OARD1: variants seen among roughly 807,000 people sequenced by gnomAD.
The protein encoded by OARD1 is ADP-ribose glycohydrolase OARD1.
A neutral mutation model predicts 19.7 loss-of-function variants in OARD1; 19 were observed. The ratio of observed to expected loss-of-function variants is 0.96; its 90% CI spans 0.67 to 1.41. The LOEUF (loss-of-function observed/expected upper bound fraction) is 1.41, where lower values mean the gene tolerates loss of function less well. Among genes scored for constraint, OARD1 ranks in the 40% most tolerant of loss-of-function variants. The pLI, the probability that OARD1 is intolerant of heterozygous loss-of-function variation, is 0.00. For missense variants in OARD1, 190 were observed against 183.8 expected, an observed-to-expected ratio of 1.03 and a Z score of -0.20; for synonymous variants, 70 against 61.8, an observed-to-expected ratio of 1.13 and a Z score of -0.62.
At position 41,084,778 on chromosome 6, in the gene OARD1, C is replaced by T. The variant is rs943912560; in HGVS notation, c.-42+12935G>A. Among the ~76,000 whole-genome samples, 3 of 152,182 alleles carry T rather than the reference C, an allele frequency of 2.0e-5. No homozygotes were observed. In the East Asian group the frequency reaches 5.8e-4, roughly 29 times the overall value. On this transcript the variant is annotated intron_variant, in intron 1 of 4. Transcript: ENST00000480585. ...AGGAGTTCAAGACCAGCCTGGCCAA[C>T]ATGACAAAACCCCATCTCTACTAAA...
In OARD1 at chr6:41,081,415, A is replaced by G. The variant is rs578049250; in HGVS notation, c.-41-9740T>C. Among the ~76,000 whole-genome samples, 632 of 152,114 alleles carry G rather than the reference A, an allele frequency of 4.2e-3. 4 individuals are homozygous for G. The highest frequency in any genetic ancestry group is 0.014 in the African/African-American group (564 of 41,496). On this transcript the variant is annotated intron_variant, in intron 1 of 4. Transcript: ENST00000480585. ...TGGAGCAGGAGAATGGCGTGAACCC[A>G]GGAGGCAGAGCTTGCAGTGAGCAGA... is the stretch of plus-strand genomic sequence containing the variant.
chr6:41,095,265 T>G (rs1413200464), intron 1 of OARD1, among the ~76,000 whole-genome samples: 2 of 152,220 alleles, frequency 1.3e-5, no homozygotes, highest in African/African-American at 2.4e-5. Flanking sequence ...TACCTCTAAC[T>G]GCATTTCTAC....
chr6:41,093,173 G>A (rs149467559), intron 1 of OARD1: 27 of 1,191,538 alleles, frequency 2.3e-5, no homozygotes, highest in African/African-American at 1.5e-4. Flanking sequence ...GTTTTCTCAC[G>A]TACCTTCCAA....
chr6:41,086,642 G>C (rs1312678433), intron 1 of OARD1, among the ~76,000 whole-genome samples: 2 of 152,092 alleles, frequency 1.3e-5, no homozygotes, highest in African/African-American at 4.8e-5. Context: ...AGAAAAAGTA[G>C]AGATGTCCAG....
chr6:41,069,960 T>C (rs1763239572), intron 4 of OARD1, 116 bp downstream of exon 4: 1 of 776,704 alleles, frequency 1.3e-6, no homozygotes, highest in African/African-American at 1.7e-5. Context: ...ACATTCTTAG[T>C]TGTCTAGAAT....
chr6:41,095,326 C>T (rs9296355), intron 1 of OARD1, among the ~76,000 whole-genome samples: 33,706 of 152,112 alleles, frequency 0.22, 5,413 homozygotes, highest in African/African-American at 0.45. Flanking sequence ...CTTCCTGCCA[C>T]GGGTCTTTGT....
At chr6:41,072,008 A>G (rs1486379646) in intron 1 of OARD1, among the ~76,000 whole-genome samples, 1 of 152,202 alleles carries the variant, frequency 6.6e-6, no homozygotes, top group Non-Finnish European at 1.5e-5. Context: ...TTTTCTCTGC[A>G]CGACGCAAAA....
At chr6:41,095,577 C>T (rs1255294864) in intron 1 of OARD1, among the ~76,000 whole-genome samples, 1 of 152,080 alleles carries the variant, frequency 6.6e-6, no homozygotes, top group Non-Finnish European at 1.5e-5. Flanking sequence ...ACTATAGCCA[C>T]GCACCACCAT....
Position 41,068,850 on chromosome 6 carries a change from G to A in OARD1, c.347C>T (p.Ser116Phe). The change falls in exon 5 of 6, where the codon TCC (serine) becomes TTC (phenylalanine). Residue 116 changes from serine to phenylalanine, a missense_variant. By Grantham distance (155) the Ser-to-Phe change is radical. Coordinates refer to ENST00000424266, the MANE Select transcript of OARD1 (RefSeq NM_001329686.2). ...CCATGGATTTCCTTGCCTGGGCATG[G>A]AGAGGTCAGTGACTCCATTCTTCAG... ...HCLKNGVTDL[S>F]MPRIGCGLDR... The A allele has an allele frequency of 6.4e-7, 1 of 1,563,078 alleles. No homozygotes were observed. The highest frequency in any genetic ancestry group is 1.4e-5 in the African/African-American group (1 of 73,596).
Position 41,065,198 on chromosome 6 carries a change from C to T in OARD1, c.*2137G>A, listed in dbSNP as rs1762958956. The T allele has an allele frequency of 6.6e-6, 1 of 152,072 alleles. No homozygotes were observed. Among genetic ancestry groups the T allele is most frequent in the Non-Finnish European group, 1.5e-5 (1 of 68,016 alleles). The allele number at this position is 152,072 out of a possible 1,614,324, so 9.4% of individuals were successfully genotyped here. ...CTAGGTTTTGTCTAAAGAATCAAGG[C>T]TCAAACGCCAAGAAAAAAATAATAA... On this transcript the variant is annotated 3_prime_UTR_variant, in exon 6 of 6. Coordinates refer to ENST00000424266, the MANE Select transcript of OARD1 (RefSeq NM_001329686.2).
At chr6:41,080,217 G>A (rs939635533) in intron 1 of OARD1, among the ~76,000 whole-genome samples, 3 of 152,090 alleles carry the variant, frequency 2.0e-5, no homozygotes, top group African/African-American at 4.8e-5. Context: ...TGGAGGCTGA[G>A]ACAGGAAGGT....
chr6:41,079,287 C>T (rs1266235726), intron 1 of OARD1: 4 of 875,378 alleles, frequency 4.6e-6, no homozygotes, highest in African/African-American at 1.6e-5. Context: ...GATATTGGGT[C>T]TGATGGCTTG....
intron 1 of OARD1, among the ~76,000 whole-genome samples, chr6:41,086,532 T>C (rs1764048929): frequency 6.6e-6 from 1 of 151,934 alleles, no homozygotes. Flanking sequence ...GTTTTTTTTC[T>C]CATTAGTGTT....
chr6:41,085,495 C>A (rs1252270284), intron 1 of OARD1, among the ~76,000 whole-genome samples: 2 of 151,910 alleles, frequency 1.3e-5, no homozygotes, highest in Admixed American at 6.6e-5. Flanking sequence ...TCATAACCAA[C>A]CCCCCATGAG....
At chr6:41,071,503 A>C (rs1763388554) in intron 2 of OARD1, 93 bp downstream of exon 2, 1 of 1,172,230 alleles carries the variant, frequency 8.5e-7, no homozygotes, top group Admixed American at 1.8e-5. Flanking sequence ...AAAAAAGATA[A>C]TGCAATCATT....
chr6:41,085,423 A>G (rs1284612628), intron 1 of OARD1, among the ~76,000 whole-genome samples: 1 of 152,222 alleles, frequency 6.6e-6, no homozygotes. Flanking sequence ...GTGGGTTAAT[A>G]TTGAAATATT....
chr6:41,070,094 C>A lies in OARD1; in HGVS notation c.225G>T (p.Gly75=). 2 of 1,592,754 alleles carry A rather than the reference C, an allele frequency of 1.3e-6. No individual in the cohort carries two copies. Among genetic ancestry groups the A allele is most frequent in the Non-Finnish European group, 1.7e-6 (2 of 1,161,034 alleles). Residue 75 remains glycine (G), a synonymous_variant, in exon 4 of 6, where the codon GGG becomes GGT. Coordinates refer to ENST00000424266, the MANE Select transcript of OARD1 (RefSeq NM_001329686.2). ...ATCTTACCAAGTAATATATATATCG[C>A]CCATCTCTCTTCAGAACAGCCACTT... ...SGEVAVLKRD[G]RYIYYLITKK...
chr6:41,072,581 T>C (rs1337249773), upstream of OARD1: 2 of 152,454 alleles, frequency 1.3e-5, no homozygotes, highest in Non-Finnish European at 2.9e-5. Flanking sequence ...ATTCCGTGGT[T>C]TCCCGCCGCC....
chr6:41,093,110 T>C (rs761919083), intron 1 of OARD1: 16 of 1,601,290 alleles, frequency 1.0e-5, no homozygotes, highest in East Asian at 4.5e-5. Context: ...GGGAAGGATA[T>C]AGGAAAGGAG....
Sources: allele counts gnomAD v4.1 joint callset (sites outside exome capture counted in the v4.1 genomes callset), GRCh38; gene constraint gnomAD v4.1.1; transcripts MANE v1.5; gene names NCBI Gene and HGNC (gene_info 2026-07-23, HGNC 2026-07-21).